Variants in LRRC28 observed in about 807,000 individuals in gnomAD.
The protein encoded by LRRC28 is leucine rich repeat containing 28.
A neutral mutation model predicts 45.7 loss-of-function variants in LRRC28; 39 were observed. The ratio of observed to expected loss-of-function variants is 0.85; its 90% CI spans 0.66 to 1.12. The LOEUF is 1.12. Among genes scored for constraint, LRRC28 ranks in the 50% most tolerant of loss-of-function variants. The probability of loss-of-function intolerance (pLI) is 0.00; values close to 1 mark genes in which losing one functional copy is unlikely to be tolerated. For synonymous variants in LRRC28, 206 were observed against 178.8 expected, an observed-to-expected ratio of 1.15 and a Z score of -1.22; for missense variants, 435 against 438.5, an observed-to-expected ratio of 0.99 and a Z score of 0.07.
chr15:99,267,088 G>C (rs986245828), intron 2 of LRRC28, among the ~76,000 whole-genome samples: 4 of 152,168 alleles, frequency 2.6e-5, no homozygotes, highest in Non-Finnish European at 2.9e-5. Context: ...GTTAAAATAA[G>C]ATGGTTAGAA....
intron 9 of LRRC28, among the ~76,000 whole-genome samples, chr15:99,383,404 T>C (rs1358239626): frequency 8.5e-5 from 13 of 152,230 alleles, no homozygotes; most frequent in Admixed American, 6.5e-5. Flanking sequence ...GCTTATTTGT[T>C]GTATTTTGTC....
At position 99,379,326 on chromosome 15, in the gene LRRC28, G is replaced by T. The variant is rs1165517379; in HGVS notation, c.1032-6704G>T. On this transcript the variant is annotated intron_variant, in intron 9 of 9. Transcript: ENST00000301981. ...CTAGATTTTCTAGTTTATTTGCGTA[G>T]AGGTGTTAATTATAGTATTCTCTGA... Among the ~76,000 whole-genome samples, 5 of 152,304 alleles carry T rather than the reference G, an allele frequency of 3.3e-5. No individual in the cohort carries two copies. The East Asian group carries it at 9.6e-4, about 29-fold the overall frequency.
At chr15:99,350,745 T>G (rs115482313) in intron 6 of LRRC28, among the ~76,000 whole-genome samples, 2,110 of 152,326 alleles carry the variant, frequency 0.014, 47 homozygotes, top group African/African-American at 0.048. Context: ...CTTCTATGTT[T>G]GTAAGCAGAA....
At chr15:99,328,294 TAA>T (rs1956049943) in intron 5 of LRRC28, among the ~76,000 whole-genome samples, 1 of 152,170 alleles carries the variant, frequency 6.6e-6, no homozygotes, top group South Asian at 2.1e-4. Context: ...TCGAGTTTCC[TAA>T]AGATGAGAAC....
chr15:99,365,256 T>C (rs1957309160), intron 9 of LRRC28, among the ~76,000 whole-genome samples: 1 of 152,264 alleles, frequency 6.6e-6, no homozygotes, highest in African/African-American at 2.4e-5. Flanking sequence ...ACTAATCTAT[T>C]GTTTCAGAAC....
chr15:99,293,026 T>C (rs1449199437), intron 5 of LRRC28, among the ~76,000 whole-genome samples: 1 of 152,216 alleles, frequency 6.6e-6, no homozygotes, highest in East Asian at 1.9e-4. Flanking sequence ...TTTGCTTCCT[T>C]TCTGTTTCTG....
At chr15:99,293,621 A>AAAAAAAAAAAAAAAAAAAAAAAAC in intron 5 of LRRC28, among the ~76,000 whole-genome samples, 1 of 145,716 alleles carries the variant, frequency 6.9e-6, no homozygotes, top group Non-Finnish European at 1.5e-5. Context: ...AAAAAAAAAA[A>AAAAAAAAAAAAAAAAAAAAAAAAC]AAAAAAAAAA....
chr15:99,313,631 T>G (rs1041328921), intron 5 of LRRC28, among the ~76,000 whole-genome samples: 1 of 152,220 alleles, frequency 6.6e-6, no homozygotes, highest in Non-Finnish European at 1.5e-5. Context: ...TTTTAATATT[T>G]CTTATAGGGC....
intron 9 of LRRC28, among the ~76,000 whole-genome samples, chr15:99,380,683 G>C (rs554267754): frequency 1.4e-3 from 206 of 152,242 alleles, no homozygotes; most frequent in African/African-American, 4.0e-3. Flanking sequence ...AGTTGTTCCT[G>C]TCCATGTTTA....
chr15:99,295,162 G>C (rs2082230975), intron 5 of LRRC28, among the ~76,000 whole-genome samples: 1 of 152,196 alleles, frequency 6.6e-6, no homozygotes, highest in African/African-American at 2.4e-5. Context: ...AGTCCTGTTA[G>C]ATGTCCTTTG....
At chr15:99,351,719 TAAAGAA>T (rs1956885426) in intron 6 of LRRC28, among the ~76,000 whole-genome samples, 2 of 152,130 alleles carry the variant, frequency 1.3e-5, no homozygotes, top group East Asian at 1.9e-4. Context: ...TATAAGGTGT[TAAAGAA>T]AAAGTTATTC....
chr15:99,349,863 G>A (rs993023531), intron 6 of LRRC28, among the ~76,000 whole-genome samples: 1 of 152,192 alleles, frequency 6.6e-6, no homozygotes, highest in Non-Finnish European at 1.5e-5. Context: ...GCGGCCGGGC[G>A]CGGTGGCTCA....
intron 2 of LRRC28, among the ~76,000 whole-genome samples, chr15:99,274,394 T>C (rs956218043): frequency 6.6e-6 from 1 of 152,206 alleles, no homozygotes; most frequent in African/African-American, 2.4e-5. Flanking sequence ...GTCCTTAGTA[T>C]AAAATATAAG....
intron 2 of LRRC28, among the ~76,000 whole-genome samples, chr15:99,268,938 A>C (rs954689981): frequency 6.6e-6 from 1 of 152,254 alleles, no homozygotes; most frequent in African/African-American, 2.4e-5. Context: ...AGTTTTAACA[A>C]ATATTAAGAT....
intron 3 of LRRC28, chr15:99,284,597 T>A (rs2081906136): frequency 2.1e-6 from 1 of 486,944 alleles, no homozygotes; most frequent in South Asian, 1.5e-5. Flanking sequence ...CCTTTCCTGC[T>A]AAGCTTTGTT....
intron 5 of LRRC28, among the ~76,000 whole-genome samples, chr15:99,318,986 T>A (rs1955698307): frequency 6.6e-6 from 1 of 152,144 alleles, no homozygotes; most frequent in Admixed American, 6.5e-5. Flanking sequence ...TAAAATGTTT[T>A]CCTTTAAAAT....
At chr15:99,266,668 C>G (rs1344321106) in intron 2 of LRRC28, among the ~76,000 whole-genome samples, 1 of 152,136 alleles carries the variant, frequency 6.6e-6, no homozygotes, top group African/African-American at 2.4e-5. Context: ...ATAGAAAAGT[C>G]TGGTGAACAA....
At chr15:99,324,619 C>T in intron 5 of LRRC28, among the ~76,000 whole-genome samples, 1 of 152,132 alleles carries the variant, frequency 6.6e-6, no homozygotes, top group East Asian at 1.9e-4. Flanking sequence ...TTGAAATTGA[C>T]ACCATAATGT....
chr15:99,362,377 C>T (rs1957227279), intron 8 of LRRC28, among the ~76,000 whole-genome samples: 1 of 152,162 alleles, frequency 6.6e-6, no homozygotes, highest in Non-Finnish European at 1.5e-5. Context: ...TTTGTATCTC[C>T]TTCCCAAAGA....
Sources: allele counts gnomAD v4.1 joint callset (sites outside exome capture counted in the v4.1 genomes callset), GRCh38; gene constraint gnomAD v4.1.1; transcripts MANE v1.5; gene names NCBI Gene and HGNC (gene_info 2026-07-23, HGNC 2026-07-21).